The following FANCM variants were observed in gnomAD, a reference collection of about 807,000 sequenced individuals.
FANCM encodes the protein FA complementation group M, also known as Fanconi anemia group M protein.
FANCM carries 140 observed loss-of-function variants against 199.5 expected under a neutral mutation model. The observed-to-expected ratio is 0.70, with a 90% CI of 0.61 to 0.81. The LOEUF is 0.81. Ranked by LOEUF, FANCM falls within the 30% of genes least tolerant of loss-of-function variation. The probability of loss-of-function intolerance (pLI) is 0.00; values close to 1 mark genes in which losing one functional copy is unlikely to be tolerated. For missense variants in FANCM, 2,410 were observed against 2,421.4 expected (o/e 1.00, Z 0.10); for synonymous variants, 840 against 836.8 (o/e 1.00, Z -0.07).
chr14:45,180,478 G>A (rs115137950), intron 14 of FANCM, among the ~76,000 whole-genome samples: 2 of 151,330 alleles, frequency 1.3e-5, no homozygotes, highest in Non-Finnish European at 2.9e-5. Flanking sequence ...GCAGGGTCTC[G>A]CTTTGTCACT....
At chr14:45,188,509 G>A (rs1889552865) in intron 19 of FANCM, among the ~76,000 whole-genome samples, 1 of 152,020 alleles carries the variant, frequency 6.6e-6, no homozygotes, top group Non-Finnish European at 1.5e-5. Flanking sequence ...TGTACTCTCT[G>A]TACTTCCATT....
chr14:45,143,378 G>T (rs1158841511), intron 3 of FANCM, among the ~76,000 whole-genome samples: 2 of 151,874 alleles, frequency 1.3e-5, no homozygotes, highest in African/African-American at 2.4e-5. Context: ...TGTTGCCCAG[G>T]CTGGTCTAGA....
Position 45,137,086 on chromosome 14 carries a change from A to C in FANCM, c.526A>C (p.Thr176Pro), listed in dbSNP as rs1885570773. The change falls in exon 2 of 23, where the codon ACC becomes CCC. Residue 176 changes from threonine to proline, a missense_variant. By Grantham distance (38) the Thr-to-Pro change is conservative. Coordinates refer to ENST00000267430, the MANE Select transcript of FANCM (RefSeq NM_020937.4). Reference protein sequence around the residue: ...AEMTGSTQASTRKEIWCSKRV... With the variant: ...AEMTGSTQASPRKEIWCSKRV... ...ATTTTCAGGGTCTACACAAGCTTCC[A>C]CCAGGAAGGAAATATGGTGCAGTAA... 6.2e-7 allele frequency: 1 copy of C among 1,612,900 alleles called. No homozygotes were observed. Among genetic ancestry groups the C allele is most frequent in the Non-Finnish European group, 8.5e-7 (1 of 1,179,164 alleles).
At chr14:45,144,007 T>G (rs1430856153) in intron 3 of FANCM, among the ~76,000 whole-genome samples, 4 of 152,120 alleles carry the variant, frequency 2.6e-5, no homozygotes, top group Admixed American at 6.5e-5. Flanking sequence ...AAGGATTTTA[T>G]TGGATACATT....
rs201043779 is a variant in FANCM at position 45,189,170 on chromosome 14, C to T, written c.5148C>T (p.Ser1716=). The change falls in exon 20 of 23, where the codon TCC becomes TCT. Residue 1716 remains serine, a synonymous_variant. Coordinates refer to ENST00000267430, the MANE Select transcript of FANCM (RefSeq NM_020937.4). ...NSVPSGSSAQ[S]KVRSTPRVNP... ...TGCCTTCTGGATCTTCTGCGCAGTCCAAGGTGCGTTCTACTCCAAGAGTTA... is the reference window on the plus strand; with the variant it reads ...TGCCTTCTGGATCTTCTGCGCAGTCTAAGGTGCGTTCTACTCCAAGAGTTA... The T allele has an allele frequency of 2.5e-6, 4 of 1,614,102 alleles. No homozygotes were observed. In the East Asian group the frequency reaches 8.9e-5, roughly 36 times the overall value.
At chr14:45,155,081 T>C (rs960510159) in intron 7 of FANCM, among the ~76,000 whole-genome samples, 1 of 152,196 alleles carries the variant, frequency 6.6e-6, no homozygotes, top group Non-Finnish European at 1.5e-5. Context: ...TTGTTAGTGG[T>C]AGTAAAAATT....
chr14:45,186,199 G>A (rs1889390881), intron 18 of FANCM, among the ~76,000 whole-genome samples: 1 of 152,138 alleles, frequency 6.6e-6, no homozygotes, highest in South Asian at 2.1e-4. Context: ...CTGCCTAGCT[G>A]TTATTTTAAA....
At chr14:45,171,424 C>G (rs1268909978) in intron 12 of FANCM, among the ~76,000 whole-genome samples, 1 of 151,964 alleles carries the variant, frequency 6.6e-6, no homozygotes, top group Non-Finnish European at 1.5e-5. Context: ...TGCACATCAT[C>G]CGAGCAGTGT....
At position 45,183,902 on chromosome 14, in the gene FANCM, G is replaced by A; in HGVS notation, c.4515G>A (p.Lys1505=). The part of the protein sequence containing the change: ...IKVPKRQSHL[K]HVARKFLDDE... ...TCCCAAAGAGACAGAGTCACTTAAA[G>A]GTAATCTTTTTTTTAGTTTCTTTAA... The change falls in exon 17 of 23, where the codon AAG becomes AAA. Residue 1505 remains lysine, a splice_region_variant and synonymous_variant. Transcript: ENST00000267430. The A allele has an allele frequency of 1.9e-6, 3 of 1,608,004 alleles. No homozygotes were observed. Among genetic ancestry groups the A allele is most frequent in the Non-Finnish European group, 8.5e-7 (1 of 1,175,562 alleles).
intron 3 of FANCM, among the ~76,000 whole-genome samples, chr14:45,143,643 A>G (rs1886137803): frequency 1.3e-5 from 2 of 151,396 alleles, no homozygotes; most frequent in Non-Finnish European, 2.9e-5. Flanking sequence ...CTGTCCTATA[A>G]TATTCTGATT....
At chr14:45,165,929 A>G (rs1887937539) in intron 10 of FANCM, among the ~76,000 whole-genome samples, 1 of 152,182 alleles carries the variant, frequency 6.6e-6, no homozygotes, top group Non-Finnish European at 1.5e-5. Context: ...TTTGTTGTAT[A>G]CAGGGAAGGA....
chr14:45,156,916 CAA>C (rs535786477), intron 8 of FANCM, among the ~76,000 whole-genome samples: 17 of 47,780 alleles, frequency 3.6e-4, no homozygotes, highest in Non-Finnish European at 5.5e-4. Context: ...GACTCTGTCT[CAA>C]AAAAAAAAAA....
In FANCM at chr14:45,175,259, A is replaced by G; in HGVS notation, c.2505A>G (p.Glu835=). The change falls in exon 14 of 23, where the codon GAA becomes GAG. Residue 835 remains glutamate, a synonymous_variant. Coordinates refer to ENST00000267430, the MANE Select transcript of FANCM (RefSeq NM_020937.4). ...CCTCAGTGATAGAATCTGATGAAGA[A>G]TGTGCTGAAATTGTTAAACAAACTC... The part of the protein sequence containing the change: ...SSSSVIESDE[E]CAEIVKQTHI... The G allele has an allele frequency of 6.2e-7, 1 of 1,604,862 alleles. No homozygotes were observed. Among genetic ancestry groups the G allele is most frequent in the Non-Finnish European group, 8.5e-7 (1 of 1,177,122 alleles).
At chr14:45,181,589 G>T in intron 15 of FANCM, 48 bp from the exon 16 acceptor site, 1 of 1,542,516 alleles carries the variant, frequency 6.5e-7, no homozygotes, top group Non-Finnish European at 9.0e-7. Context: ...TATACCTTGG[G>T]CTTCTGCTGA....
chr14:45,176,542 A>G lies in FANCM; in HGVS notation c.3788A>G (p.Tyr1263Cys). 2.5e-6 allele frequency: 4 copies of G among 1,600,888 alleles called. No individual in the cohort carries two copies. Among genetic ancestry groups the G allele is most frequent in the Non-Finnish European group, 3.4e-6 (4 of 1,173,400 alleles). ...CCTCTAGATGATCTATATGGAAGGT[A>G]TTTGGAAATTAAGGAGATAAGTGAT... ...NRPLDDLYGR[Y>C]LEIKEISDAN... Residue 1263 changes from tyrosine to cysteine, a missense_variant, in exon 14 of 23, where the codon TAT becomes TGT. Coordinates refer to ENST00000267430, the MANE Select transcript of FANCM (RefSeq NM_020937.4).
At chr14:45,144,266 C>A (rs1226852486) in intron 3 of FANCM, among the ~76,000 whole-genome samples, 1 of 151,990 alleles carries the variant, frequency 6.6e-6, no homozygotes, top group African/African-American at 2.4e-5. Flanking sequence ...AATATTAGAT[C>A]TTATTTATTC....
Position 45,136,160 on chromosome 14 carries a change from A to G in FANCM, c.129A>G (p.Pro43=). Residue 43 remains proline, a synonymous_variant, in exon 1 of 23, where the codon CCA becomes CCG. Transcript: ENST00000267430. The part of the protein sequence containing the change: ...QSPGSSKAPL[P]AAAEAQLESD... ...CTGGCAGCTCCAAGGCGCCTTTGCC[A>G]GCAGCAGCGGAGGCTCAGCTGGAGT... 6.2e-7 allele frequency: 1 copy of G among 1,614,180 alleles called. No individual in the cohort carries two copies. Among genetic ancestry groups the G allele is most frequent in the African/African-American group, 1.3e-5 (1 of 75,044 alleles).
At chr14:45,195,494 T>C (rs1054636113) in intron 20 of FANCM, 12 of 455,484 alleles carry the variant, frequency 2.6e-5, no homozygotes, top group Middle Eastern at 6.5e-4. Context: ...TTCGGACATC[T>C]AGCACTAATG....
chr14:45,196,679 A>G (rs1446883996), intron 21 of FANCM, 132 bp downstream of exon 21: 5 of 856,788 alleles, frequency 5.8e-6, no homozygotes, highest in South Asian at 4.9e-5. Flanking sequence ...GTCATTTCAT[A>G]TTTTCATACA....
Sources: gnomAD v4.1 joint callset for allele counts (sites outside exome capture counted in the v4.1 genomes callset) on GRCh38, gnomAD v4.1.1 for gene constraint, MANE v1.5 for transcripts, NCBI Gene and HGNC (gene_info 2026-07-23, HGNC 2026-07-21) for gene names.